The following PXMP4 variants were observed in gnomAD, a reference collection of about 807,000 sequenced individuals.
The protein encoded by PXMP4 is 24 kDa peroxisomal intrinsic membrane protein.
Under a neutral mutation model 21.6 loss-of-function variants are expected in PXMP4, and 16 were observed. The ratio of observed to expected loss-of-function variants is 0.74; its 90% CI spans 0.50 to 1.13. PXMP4 has a LOEUF of 1.13. Ranked by LOEUF, PXMP4 falls within the 50% of genes most tolerant of loss-of-function variation. The probability of loss-of-function intolerance (pLI) is 0.00; values close to 1 mark genes in which losing one functional copy is unlikely to be tolerated. For missense variants in PXMP4, 240 were observed against 277.7 expected, an observed-to-expected ratio of 0.86 and a Z score of 0.96; for synonymous variants, 127 against 123.8, an observed-to-expected ratio of 1.03 and a Z score of -0.17.
chr20:33,709,066 G>A (rs1325498611), intron 3 of PXMP4, among the ~76,000 whole-genome samples: 1 of 152,126 alleles, frequency 6.6e-6, no homozygotes, highest in Admixed American at 6.6e-5. Flanking sequence ...ACCAAGAGGG[G>A]GTGCATCATC....
At chr20:33,719,993 G>A in intron 1 of PXMP4, 102 bp downstream of exon 1, 1 of 1,135,846 alleles carries the variant, frequency 8.8e-7, no homozygotes, top group South Asian at 1.3e-5. Context: ...CACGAGGACT[G>A]CTCCAGGGCA....
At chr20:33,718,510 CAAAAAAAAAA>C (rs34706596) in intron 1 of PXMP4, among the ~76,000 whole-genome samples, 2 of 54,798 alleles carry the variant, frequency 3.6e-5, no homozygotes, top group African/African-American at 6.8e-5. Context: ...CACTCCATCT[CAAAAAAAAAA>C]AAAAAAAAAA....
At chr20:33,711,807 C>T (rs906251682) in intron 2 of PXMP4, among the ~76,000 whole-genome samples, 1 of 152,028 alleles carries the variant, frequency 6.6e-6, no homozygotes, top group Non-Finnish European at 1.5e-5. Context: ...GCCTGGGCAA[C>T]ATAATGAGAC....
intron 2 of PXMP4, among the ~76,000 whole-genome samples, chr20:33,713,333 C>T (rs1320031566): frequency 6.6e-6 from 1 of 152,084 alleles, no homozygotes; most frequent in Non-Finnish European, 1.5e-5. Flanking sequence ...TGGCCTGGAA[C>T]ACTCACTCTT....
chr20:33,709,998 A>C (rs1285288549), intron 3 of PXMP4, among the ~76,000 whole-genome samples: 2 of 123,848 alleles, frequency 1.6e-5, no homozygotes. Flanking sequence ...GCCACTCAAA[A>C]CTCTACACTG....
chr20:33,713,897 C>T (rs1368364588), intron 2 of PXMP4, among the ~76,000 whole-genome samples: 2 of 152,092 alleles, frequency 1.3e-5, no homozygotes, highest in African/African-American at 4.8e-5. Context: ...CGGGAGATGA[C>T]AGGAAGGTGA....
chr20:33,719,435 C>T (rs1047864754), intron 1 of PXMP4, among the ~76,000 whole-genome samples: 1 of 152,170 alleles, frequency 6.6e-6, no homozygotes, highest in Non-Finnish European at 1.5e-5. Flanking sequence ...GCTTTGTCCC[C>T]GGTTCTGGCA....
chr20:33,711,882 A>G (rs2018330243), intron 2 of PXMP4, among the ~76,000 whole-genome samples: 1 of 151,810 alleles, frequency 6.6e-6, no homozygotes, highest in Non-Finnish European at 1.5e-5. Flanking sequence ...AGTTCCTGCT[A>G]CTTGGGAGGC....
At chr20:33,711,161 A>C (rs1156355617) in intron 2 of PXMP4, among the ~76,000 whole-genome samples, 1 of 150,930 alleles carries the variant, frequency 6.6e-6, no homozygotes, top group East Asian at 1.9e-4. Flanking sequence ...TTGAGTAAAC[A>C]TGTGAAGGAG....
rs2018257970 is a variant in PXMP4 at position 33,706,448 on chromosome 20, A to AAAG, written c.*1257_*1258insCTT. On this transcript the variant is annotated 3_prime_UTR_variant, in exon 4 of 4. Transcript: ENST00000409299. ...CGCTACTTAAAAAAAAAAAATAATA[A>AAAG]TAATATGTGGAAAACACCCAAGTGG... 6.6e-6 allele frequency: 1 copy of AAAG among 151,972 alleles called. No homozygotes were observed. The highest frequency in any genetic ancestry group is 2.4e-5 in the African/African-American group (1 of 41,400). The allele number at this position is 151,972 out of a possible 1,614,324, so 9.4% of individuals were successfully genotyped here.
chr20:33,716,410 G>A (rs549966859), intron 1 of PXMP4, among the ~76,000 whole-genome samples: 1 of 152,200 alleles, frequency 6.6e-6, no homozygotes, highest in South Asian at 2.1e-4. Flanking sequence ...CTACTACCTG[G>A]CGTGCTCCTC....
intron 2 of PXMP4, among the ~76,000 whole-genome samples, chr20:33,712,778 G>T (rs2018344045): frequency 6.6e-6 from 1 of 152,240 alleles, no homozygotes; most frequent in Admixed American, 6.5e-5. Flanking sequence ...CCACAGGTGT[G>T]CGCCGCCAAG....
intron 3 of PXMP4, among the ~76,000 whole-genome samples, chr20:33,709,576 G>C (rs554399655): frequency 4.7e-4 from 71 of 152,138 alleles, no homozygotes; most frequent in African/African-American, 1.5e-3. Flanking sequence ...AAAACTGAGA[G>C]GAAAGTGACC....
chr20:33,713,346 C>A (rs929317849), intron 2 of PXMP4, among the ~76,000 whole-genome samples: 6 of 152,140 alleles, frequency 3.9e-5, no homozygotes, highest in African/African-American at 1.4e-4. Flanking sequence ...TCACTCTTTC[C>A]CCTCATATCC....
chr20:33,706,454 T>C lies in PXMP4; in HGVS notation c.*1252A>G, dbSNP rs1342696589. 1 of 151,704 alleles carries C rather than the reference T, an allele frequency of 6.6e-6. No homozygotes were observed. The highest frequency in any genetic ancestry group is 2.4e-5 in the African/African-American group (1 of 41,298). The allele number at this position is 151,704 out of a possible 1,614,324, so 9.4% of individuals were successfully genotyped here. A position where few individuals can be genotyped will look rare whatever the true frequency, so the allele number is the denominator to read the frequency against. ...TTAAAAAAAAAAAATAATAATAATA[T>C]GTGGAAAACACCCAAGTGGAAGTAT... On this transcript the variant is annotated 3_prime_UTR_variant, in exon 4 of 4. Coordinates refer to ENST00000409299, the MANE Select transcript of PXMP4 (RefSeq NM_007238.5).
chr20:33,710,540 C>T lies in PXMP4; in HGVS notation c.375+15G>A, dbSNP rs1298023153. The T allele has an allele frequency of 4.5e-6, 7 of 1,558,064 alleles. No individual in the cohort carries two copies. Among genetic ancestry groups the T allele is most frequent in the African/African-American group, 1.4e-5 (1 of 72,132 alleles). On this transcript the variant is annotated intron_variant, in intron 3 of 3. Coordinates refer to ENST00000409299, the MANE Select transcript of PXMP4 (RefSeq NM_007238.5). ...CACGCCCCCTTCACTACCCCCATCT[C>T]GGGAGGATCTTTACCTGGCTGTTGA...
intron 2 of PXMP4, 78 bp downstream of exon 2, chr20:33,714,596 G>A (rs1303827438): frequency 7.1e-7 from 1 of 1,402,888 alleles, no homozygotes; most frequent in Non-Finnish European, 1.0e-6. Context: ...GGACAGGGTA[G>A]ACCCAGCTAA....
At chr20:33,713,571 T>A (rs1358989629) in intron 2 of PXMP4, among the ~76,000 whole-genome samples, 2 of 152,222 alleles carry the variant, frequency 1.3e-5, no homozygotes, top group African/African-American at 4.8e-5. Context: ...TGCTAGAATG[T>A]CAGCAGGAGT....
intron 1 of PXMP4, among the ~76,000 whole-genome samples, chr20:33,717,639 CAAAAAAAA>C (rs10666719): frequency 1.8e-5 from 1 of 56,590 alleles, no homozygotes. Context: ...GACTCCGTCT[CAAAAAAAA>C]AAAAAAAAAA....
Sources: gnomAD v4.1 joint callset for allele counts (sites outside exome capture counted in the v4.1 genomes callset) on GRCh38, gnomAD v4.1.1 for gene constraint, MANE v1.5 for transcripts, NCBI Gene and HGNC (gene_info 2026-07-23, HGNC 2026-07-21) for gene names.